PGM5: variants seen among roughly 807,000 people sequenced by gnomAD.
PGM5 encodes phosphoglucomutase 5.
Under a neutral mutation model 59.2 loss-of-function variants are expected in PGM5, and 23 were observed. The observed-to-expected ratio is 0.39, with a 90% confidence interval of 0.28 to 0.55. PGM5 has a LOEUF of 0.55. PGM5 is among the 20% of genes least tolerant of loss of function. The pLI is 0.66. For missense variants in PGM5, 574 were observed against 748.3 expected, an observed-to-expected ratio of 0.77 and a Z score of 2.72; for synonymous variants, 214 against 286.0, an observed-to-expected ratio of 0.75 and a Z score of 2.54.
At chr9:68,447,476 G>A (rs1554684077) in intron 6 of PGM5, among the ~76,000 whole-genome samples, 3 of 152,114 alleles carry the variant, frequency 2.0e-5, no homozygotes, top group Admixed American at 2.0e-4. Context: ...TACTAGCTCT[G>A]AGGCCTTGGA....
intron 7 of PGM5, chr9:68,466,270 G>GTGTGT: frequency 1.8e-6 from 1 of 558,470 alleles, no homozygotes; most frequent in African/African-American, 2.5e-5. Context: ...GATACTGTGT[G>GTGTGT]TTTTTTTTTT....
intron 10 of PGM5, among the ~76,000 whole-genome samples, chr9:68,503,102 T>C (rs188934804): frequency 7.9e-5 from 12 of 152,308 alleles, no homozygotes; most frequent in Non-Finnish European, 1.3e-4. Flanking sequence ...GTCATTTTGT[T>C]CTACCTGTTC....
intron 10 of PGM5, among the ~76,000 whole-genome samples, chr9:68,500,944 C>A (rs1167014778): frequency 2.0e-5 from 3 of 152,156 alleles, no homozygotes; most frequent in Non-Finnish European, 4.4e-5. Context: ...CTGAGGCAGT[C>A]CACAAAAGCA....
rs3223716 is a variant in PGM5 at position 68,529,164 on chromosome 9, C to CGTGTGTGTGTGTGTGT, written c.1615-371_1615-356dup. Among the ~76,000 whole-genome samples, 135 of 131,952 alleles carry CGTGTGTGTGTGTGTGT rather than the reference C, an allele frequency of 1.0e-3. 1 individual carries two copies. The highest frequency in any genetic ancestry group is 2.0e-3 in the Admixed American group (26 of 12,948). The allele number at this position is 131,952 out of a possible 152,430, so 86.6% of individuals were successfully genotyped here. ...AGGATGAAGAATGAGCTTTTATTCTCGTGTGTGTGTGTGTGTGTGTGTGTG... is the reference window on the plus strand; with the variant it reads ...AGGATGAAGAATGAGCTTTTATTCTCGTGTGTGTGTGTGTGTGTGTGTGTGTGTGTGTGTGTGTGTG... On this transcript the variant is annotated intron_variant, in intron 10 of 10. Coordinates refer to ENST00000396396, the MANE Select transcript of PGM5 (RefSeq NM_021965.4).
intron 6 of PGM5, among the ~76,000 whole-genome samples, chr9:68,442,857 CTACA>C (rs1336686240): frequency 3.9e-5 from 6 of 152,130 alleles, no homozygotes; most frequent in African/African-American, 1.4e-4. Flanking sequence ...TGAGATACTG[CTACA>C]TAACAATTAG....
intron 7 of PGM5, 45 bp from the exon 8 acceptor site, chr9:68,479,373 G>T: frequency 1.3e-6 from 2 of 1,561,792 alleles, no homozygotes; most frequent in East Asian, 2.3e-5. Flanking sequence ...CTTTTGCTTT[G>T]CTCCCACAAA....
At chr9:68,499,030 G>C in intron 9 of PGM5, 197 bp from the exon 10 acceptor site, 1 of 587,746 alleles carries the variant, frequency 1.7e-6, no homozygotes, top group Non-Finnish European at 3.0e-6. Flanking sequence ...AACGGAAATA[G>C]AATAAAGAGA....
At chr9:68,362,593 T>G (rs1426914857) in intron 1 of PGM5, among the ~76,000 whole-genome samples, 1 of 152,196 alleles carries the variant, frequency 6.6e-6, no homozygotes, top group Admixed American at 6.5e-5. Flanking sequence ...ATTAGTTTTT[T>G]ATTTTCTTTC....
At chr9:68,390,641 G>C (rs542314311) in intron 4 of PGM5, among the ~76,000 whole-genome samples, 93 of 152,266 alleles carry the variant, frequency 6.1e-4, no homozygotes, top group Admixed American at 1.7e-3. Flanking sequence ...ATTTCAGCTA[G>C]GAGGATTACA....
At chr9:68,502,771 C>A (rs1331959089) in intron 10 of PGM5, among the ~76,000 whole-genome samples, 1 of 152,260 alleles carries the variant, frequency 6.6e-6, no homozygotes, top group Admixed American at 6.5e-5. Flanking sequence ...CTCACTGTAA[C>A]CTCCACCTCT....
chr9:68,416,353 G>A (rs561490997), intron 6 of PGM5, among the ~76,000 whole-genome samples: 5 of 152,190 alleles, frequency 3.3e-5, no homozygotes, highest in African/African-American at 9.7e-5. Context: ...CCTGAGGCAT[G>A]TGTTTTTCAT....
In PGM5 at chr9:68,450,914, G is replaced by A. The variant is rs72714326; in HGVS notation, c.1044-14179G>A. Among the ~76,000 whole-genome samples, 955 of 152,262 alleles carry A rather than the reference G, an allele frequency of 6.3e-3. 4 individuals carry two copies. Among genetic ancestry groups the A allele is most frequent in the Non-Finnish European group, 1.0e-2 (679 of 68,010 alleles). On this transcript the variant is annotated intron_variant, in intron 6 of 10. Coordinates refer to ENST00000396396, the MANE Select transcript of PGM5 (RefSeq NM_021965.4). ...GAGAGAATTCTGGGATGGAATGTTC[G>A]GAAATAAATTTGTAGAACCTTATGA...
chr9:68,361,142 A>T lies in PGM5; in HGVS notation c.261+3754A>T, dbSNP rs2261117. 2.4e-3 allele frequency among the ~76,000 whole-genome samples: 372 copies of T among 152,156 alleles called. 2 individuals carry two copies. The highest frequency in any genetic ancestry group is 8.5e-3 in the African/African-American group (354 of 41,414). Reference sequence around the variant, plus strand: ...TACGTTGCCCAGGCTGGTCTCAAACACCTGGCCTCAAGTGATCCTTCCAGC... The same window carrying T: ...TACGTTGCCCAGGCTGGTCTCAAACTCCTGGCCTCAAGTGATCCTTCCAGC... On this transcript the variant is annotated intron_variant, in intron 1 of 10. Coordinates refer to ENST00000396396, the MANE Select transcript of PGM5 (RefSeq NM_021965.4).
chr9:68,460,360 C>T (rs181448776), intron 6 of PGM5, among the ~76,000 whole-genome samples: 57 of 152,294 alleles, frequency 3.7e-4, no homozygotes, highest in Non-Finnish European at 6.3e-4. Context: ...GCTTAGTGAG[C>T]TTTCAGGGCA....
chr9:68,412,988 A>G (rs1822959759), intron 6 of PGM5, among the ~76,000 whole-genome samples: 1 of 152,172 alleles, frequency 6.6e-6, no homozygotes, highest in African/African-American at 2.4e-5. Flanking sequence ...ATTTGCTCCA[A>G]CATCAACAAG....
At chr9:68,384,883 A>T (rs1387888263) in intron 3 of PGM5, among the ~76,000 whole-genome samples, 1 of 150,556 alleles carries the variant, frequency 6.6e-6, no homozygotes, top group Admixed American at 6.6e-5. Flanking sequence ...TTAGTTAAGA[A>T]GAAACCTAAC....
intron 2 of PGM5, among the ~76,000 whole-genome samples, chr9:68,380,112 A>G (rs11140418): frequency 0.29 from 41,684 of 142,000 alleles, 6,174 homozygotes; most frequent in Admixed American, 0.37. Context: ...GGACCTACCA[A>G]ACCTACATTC....
chr9:68,494,150 C>G (rs1824444399), intron 9 of PGM5, among the ~76,000 whole-genome samples: 1 of 152,118 alleles, frequency 6.6e-6, no homozygotes, highest in African/African-American at 2.4e-5. Flanking sequence ...TCCGGCTACT[C>G]TAGCTGCTGT....
chr9:68,357,126 C>T lies in PGM5; in HGVS notation c.-2C>T. On this transcript the variant is annotated 5_prime_UTR_variant, in exon 1 of 11. Coordinates refer to ENST00000396396, the MANE Select transcript of PGM5 (RefSeq NM_021965.4). ...CCGCAGCAGGACCGGCCAGGAGGCG[C>T]CATGGAGGGGAGCCCCATCCCGGTG... 6.6e-7 allele frequency: 1 copy of T among 1,518,296 alleles called. No homozygotes were observed. The highest frequency in any genetic ancestry group is 8.8e-7 in the Non-Finnish European group (1 of 1,137,638). The allele number at this position is 1,518,296 out of a possible 1,614,324, so 94.1% of individuals were successfully genotyped here. A position where few individuals can be genotyped will look rare whatever the true frequency, so the allele number is the denominator to read the frequency against.
Sources: allele counts gnomAD v4.1 joint callset (sites outside exome capture counted in the v4.1 genomes callset), GRCh38; gene constraint gnomAD v4.1.1; transcripts MANE v1.5; gene names NCBI Gene and HGNC (gene_info 2026-07-23, HGNC 2026-07-21).